The following ANKFN1 variants were observed in gnomAD, a reference collection of about 807,000 sequenced individuals.
The protein encoded by ANKFN1 is ankyrin repeat and fibronectin type III domain containing 1, also known as ankyrin repeat and fibronectin type-III domain-containing protein 1.
ANKFN1 carries 74 observed loss-of-function variants against 108.7 expected under a neutral mutation model. That is an observed-to-expected ratio of 0.68 (90% CI 0.56 to 0.83). ANKFN1 has a LOEUF of 0.83. ANKFN1 is among the 40% of genes least tolerant of loss of function. The pLI, the probability that ANKFN1 is intolerant of heterozygous loss-of-function variation, is 0.00. For missense variants in ANKFN1, 1,505 were observed against 1,382.3 expected (o/e 1.09, Z -1.41); for synonymous variants, 547 against 516.2 (o/e 1.06, Z -0.81).
intron 20 of ANKFN1, among the ~76,000 whole-genome samples, chr17:56,499,940 CATAAT>C (rs2051315326): frequency 2.0e-5 from 3 of 152,142 alleles, no homozygotes; most frequent in Admixed American, 2.0e-4. Flanking sequence ...TTGTAAGCTT[CATAAT>C]ATTTTTAATA....
rs553649169 is a variant in ANKFN1, at chr17:56,512,757, T to C, written c.*1488T>C. On this transcript the variant is annotated 3_prime_UTR_variant, in exon 21 of 21. Coordinates refer to ENST00000682825, the MANE Select transcript of ANKFN1 (RefSeq NM_001370326.1). ...AAGTCCCCTGTTCACAATGTTATTC[T>C]GATCCCTTCCATTTTAAAAACATTT... 6.6e-6 allele frequency among the ~76,000 whole-genome samples: 1 copy of C among 152,380 alleles called. No homozygotes were observed. The highest frequency in any genetic ancestry group is 6.5e-5 in the Admixed American group (1 of 15,306).
Position 56,512,538 on chromosome 17 carries a change from C to G in ANKFN1, c.*1269C>G, listed in dbSNP as rs2051806741. ...CCTATCTGAATTTCTCACAGGAATC[C>G]AAATTAGACAAATCACACTGCATAT... is the stretch of plus-strand genomic sequence containing the variant. On this transcript the variant is annotated 3_prime_UTR_variant, in exon 21 of 21. Coordinates refer to ENST00000682825, the MANE Select transcript of ANKFN1 (RefSeq NM_001370326.1). Among the ~76,000 whole-genome samples the G allele has an allele frequency of 6.6e-6, 1 of 152,172 alleles. No individual in the cohort carries two copies. Among genetic ancestry groups the G allele is most frequent in the Non-Finnish European group, 1.5e-5 (1 of 68,032 alleles).
intron 19 of ANKFN1, among the ~76,000 whole-genome samples, chr17:56,492,898 C>T (rs1300693231): frequency 6.6e-6 from 1 of 152,096 alleles, no homozygotes; most frequent in Non-Finnish European, 1.5e-5. Context: ...CCTATGGTAA[C>T]ACCTCAGGGT....
Position 56,332,273 on chromosome 17 carries a change from C to G in ANKFN1, c.188+5918C>G, listed in dbSNP as rs557021315. The stretch of plus-strand genomic sequence containing the variant: ...CGAGGCTCTCTGCTTATGTAAGCAG[C>G]AAAGCCCAGGGAACAGGTGCTTGTG... On this transcript the variant is annotated intron_variant, in intron 4 of 20. Coordinates refer to ENST00000682825, the MANE Select transcript of ANKFN1 (RefSeq NM_001370326.1). Among the ~76,000 whole-genome samples the G allele has an allele frequency of 1.2e-4, 18 of 152,244 alleles. No homozygotes were observed. The East Asian group carries it at 2.7e-3, about 23-fold the overall frequency.
intron 4 of ANKFN1, among the ~76,000 whole-genome samples, chr17:56,090,137 G>A (rs1336750054): frequency 6.0e-5 from 9 of 151,230 alleles, no homozygotes; most frequent in African/African-American, 1.9e-4. Context: ...GGTGGGAGTG[G>A]GGACAGAATG....
In ANKFN1 at chr17:56,170,803, T is replaced by TACACACACACACACACAC. The variant is rs1160259097; in HGVS notation, c.-71+17274_-71+17275insCACACACACACACACACA. Among the ~76,000 whole-genome samples, 626 of 67,864 alleles carry TACACACACACACACACAC rather than the reference T, an allele frequency of 9.2e-3. 1 individual carries two copies. The highest frequency in any genetic ancestry group is 0.023 in the Middle Eastern group (3 of 132). 44.5% of individuals were successfully genotyped at this position (67,864 alleles called of 152,430 possible). A position where few individuals can be genotyped will look rare whatever the true frequency, so the allele number is the denominator to read the frequency against. On this transcript the variant is annotated intron_variant, in intron 1 of 20. Transcript: ENST00000682825. ...ATATATATATATATATATATATATA[T>TACACACACACACACACAC]ATATACACACACACACACACACACA...
chr17:56,409,920 G>A (rs922639488), intron 8 of ANKFN1, among the ~76,000 whole-genome samples: 2 of 151,902 alleles, frequency 1.3e-5, no homozygotes, highest in Admixed American at 6.5e-5. Flanking sequence ...GGAAGGCAGT[G>A]CCTCTGTTTT....
upstream of ANKFN1, among the ~76,000 whole-genome samples, chr17:56,150,738 G>A (rs1435212731): frequency 2.0e-5 from 3 of 151,964 alleles, no homozygotes; most frequent in Non-Finnish European, 4.4e-5. Flanking sequence ...ATAACCCCAG[G>A]TTAGCCTCCT....
At chr17:56,108,449 G>A (rs1567788239) in intron 4 of ANKFN1, among the ~76,000 whole-genome samples, 1 of 152,154 alleles carries the variant, frequency 6.6e-6, no homozygotes, top group Non-Finnish European at 1.5e-5. Context: ...AACTTCATGT[G>A]TTTAACAAAT....
chr17:56,070,493 C>T (rs1905105953), intron 4 of ANKFN1, among the ~76,000 whole-genome samples: 1 of 152,288 alleles, frequency 6.6e-6, no homozygotes, highest in East Asian at 1.9e-4. Flanking sequence ...GAATAATCTA[C>T]TCTGGAGATC....
chr17:56,169,313 C>T (rs1484067073), intron 1 of ANKFN1, among the ~76,000 whole-genome samples: 4 of 151,928 alleles, frequency 2.6e-5, no homozygotes, highest in South Asian at 4.2e-4. Flanking sequence ...ACTCAGTTGC[C>T]CAGGCTAGGG....
chr17:56,214,818 A>G (rs1272784848), intron 2 of ANKFN1, among the ~76,000 whole-genome samples: 1 of 152,118 alleles, frequency 6.6e-6, no homozygotes, highest in Non-Finnish European at 1.5e-5. Flanking sequence ...AATGGTTTCC[A>G]TTATCTGCTG....
At chr17:56,320,927 CTT>C (rs1443941289) in intron 3 of ANKFN1, among the ~76,000 whole-genome samples, 1 of 152,078 alleles carries the variant, frequency 6.6e-6, no homozygotes, top group Non-Finnish European at 1.5e-5. Context: ...GTCTCCAAGA[CTT>C]AGAGAAAAAT....
intron 8 of ANKFN1, among the ~76,000 whole-genome samples, chr17:56,407,541 A>G (rs1268596398): frequency 6.6e-6 from 1 of 152,228 alleles, no homozygotes; most frequent in Non-Finnish European, 1.5e-5. Flanking sequence ...GTGTTAATAC[A>G]CATTCAGGCT....
intron 8 of ANKFN1, among the ~76,000 whole-genome samples, chr17:56,422,735 C>A: frequency 6.6e-6 from 1 of 152,058 alleles, no homozygotes; most frequent in South Asian, 2.1e-4. Flanking sequence ...ATTACAATGC[C>A]CTGAAATTCT....
chr17:56,086,710 C>T (rs1266638565), intron 4 of ANKFN1, among the ~76,000 whole-genome samples: 2 of 151,268 alleles, frequency 1.3e-5, no homozygotes, highest in Non-Finnish European at 3.0e-5. Flanking sequence ...TTTTTGTTAT[C>T]TGAGAAATGT....
chr17:56,395,849 A>G (rs2047567443), intron 8 of ANKFN1, among the ~76,000 whole-genome samples: 1 of 152,096 alleles, frequency 6.6e-6, no homozygotes, highest in Non-Finnish European at 1.5e-5. Context: ...CTCTGACTCA[A>G]AAAAGAAAAA....
intron 8 of ANKFN1, among the ~76,000 whole-genome samples, chr17:56,427,899 A>G (rs2048621895): frequency 6.6e-6 from 1 of 152,112 alleles, no homozygotes; most frequent in Non-Finnish European, 1.5e-5. Context: ...TAAAATGAAG[A>G]GAACATTACC....
intron 2 of ANKFN1, among the ~76,000 whole-genome samples, chr17:56,213,156 G>A (rs888293113): frequency 3.9e-5 from 6 of 152,154 alleles, no homozygotes; most frequent in African/African-American, 9.7e-5. Flanking sequence ...CAGCTGGGAC[G>A]CTTGACTAAA....
Sources: allele counts gnomAD v4.1 joint callset (sites outside exome capture counted in the v4.1 genomes callset), GRCh38; gene constraint gnomAD v4.1.1; transcripts MANE v1.5; gene names NCBI Gene and HGNC (gene_info 2026-07-23, HGNC 2026-07-21).